The following SCN2A variants were observed in gnomAD, a reference collection of about 807,000 sequenced individuals.
The protein encoded by SCN2A is sodium voltage-gated channel alpha subunit 2.
In SCN2A, 20 loss-of-function variants were observed where a neutral mutation model predicts 188.7. The ratio of observed to expected loss-of-function variants is 0.11; its 90% CI spans 0.07 to 0.15. The LOEUF (loss-of-function observed/expected upper bound fraction) is 0.15. SCN2A is among the 10% of genes least tolerant of loss of function. The probability of loss-of-function intolerance (pLI) is 1.00; values close to 1 mark genes in which losing one functional copy is unlikely to be tolerated. For synonymous variants in SCN2A, 804 were observed against 833.1 expected (o/e 0.97, Z 0.60); for missense variants, 1,278 against 2,445.0 (o/e 0.52, Z 10.07).
chr2:165,352,546 A>C (rs1460456502), intron 16 of SCN2A, among the ~76,000 whole-genome samples: 1 of 152,176 alleles, frequency 6.6e-6, no homozygotes, highest in Non-Finnish European at 1.5e-5. Flanking sequence ...CTACAGTTTG[A>C]GCATCCCTAA....
intron 3 of SCN2A, among the ~76,000 whole-genome samples, chr2:165,298,582 C>G (rs1696629305): frequency 6.6e-6 from 1 of 152,140 alleles, no homozygotes; most frequent in African/African-American, 2.4e-5. Flanking sequence ...TCTTACCTCT[C>G]TCTGTTTTCC....
intron 10 of SCN2A, among the ~76,000 whole-genome samples, chr2:165,314,877 T>C (rs1399435848): frequency 6.6e-6 from 1 of 152,196 alleles, no homozygotes; most frequent in Admixed American, 6.5e-5. Flanking sequence ...ATTGCTGTAA[T>C]AGCAACAAAA....
chr2:165,240,581 A>T (rs991460822), intron 1 of SCN2A, among the ~76,000 whole-genome samples: 6 of 152,058 alleles, frequency 3.9e-5, no homozygotes, highest in Non-Finnish European at 7.3e-5. Context: ...AGAAATTTAA[A>T]GAGATTTTAC....
intron 1 of SCN2A, among the ~76,000 whole-genome samples, chr2:165,241,369 G>A (rs190855966): frequency 7.4e-4 from 113 of 152,292 alleles, no homozygotes; most frequent in African/African-American, 2.6e-3. Context: ...GCTCATGAAT[G>A]ATGTGGATGG....
At chr2:165,368,088 G>A (rs1190058123) in intron 19 of SCN2A, among the ~76,000 whole-genome samples, 1 of 152,102 alleles carries the variant, frequency 6.6e-6, no homozygotes, top group Non-Finnish European at 1.5e-5. Flanking sequence ...ACTTGAAGAT[G>A]GTAAATACAG....
At chr2:165,279,779 G>C (rs1349221257) in intron 1 of SCN2A, among the ~76,000 whole-genome samples, 3 of 152,162 alleles carry the variant, frequency 2.0e-5, no homozygotes, top group African/African-American at 7.2e-5. Context: ...TTAATTCTGT[G>C]ATATGGTTTG....
intron 1 of SCN2A, chr2:165,270,664 G>C (rs2119068): frequency 0.46 from 70,409 of 151,640 alleles, 16,842 homozygotes; most frequent in Admixed American, 0.58. Flanking sequence ...ACCTGCTTTG[G>C]TTTCTCCTAT....
At chr2:165,375,755 G>A (rs1701277072) in intron 22 of SCN2A, among the ~76,000 whole-genome samples, 1 of 151,766 alleles carries the variant, frequency 6.6e-6, no homozygotes, top group Non-Finnish European at 1.5e-5. Flanking sequence ...AAGCCCTCGT[G>A]ATTGATGATT....
chr2:165,342,585 A>G, intron 15 of SCN2A, 116 bp downstream of exon 15: 1 of 1,138,586 alleles, frequency 8.8e-7, no homozygotes, highest in South Asian at 1.3e-5. Context: ...TACACTTCTA[A>G]AACAAATTGG....
chr2:165,366,392 A>C (rs557967273), intron 18 of SCN2A, among the ~76,000 whole-genome samples: 1 of 152,178 alleles, frequency 6.6e-6, no homozygotes, highest in Non-Finnish European at 1.5e-5. Flanking sequence ...TGTTTATTGG[A>C]TTGTTATTGA....
rs535992199 is a variant in SCN2A at position 165,390,434 on chromosome 2, A to C, written c.*610A>C. 1 of 152,698 alleles carries C rather than the reference A, an allele frequency of 6.5e-6. No homozygotes were observed. Among genetic ancestry groups the C allele is most frequent in the East Asian group, 1.9e-4 (1 of 5,196 alleles). 9.5% of individuals were successfully genotyped at this position (152,698 alleles called of 1,614,324 possible). ...AAAAAATCACATCACAAAAGGGAAGAGTTTACTTCTTGTTTCAGGATGTTT... is the reference window on the plus strand; with the variant it reads ...AAAAAATCACATCACAAAAGGGAAGCGTTTACTTCTTGTTTCAGGATGTTT... On this transcript the variant is annotated 3_prime_UTR_variant, in exon 27 of 27. Coordinates refer to ENST00000375437, the MANE Select transcript of SCN2A (RefSeq NM_001040142.2).
At chr2:165,296,977 A>T (rs371039311) in intron 2 of SCN2A, 40 bp from the exon 3 acceptor site, 1 of 1,025,104 alleles carries the variant, frequency 9.8e-7, no homozygotes, top group African/African-American at 1.6e-5. Flanking sequence ...CTTAATATAT[A>T]TTCTAAGTTT....
At chr2:165,351,228 G>T (rs1370304755) in intron 16 of SCN2A, among the ~76,000 whole-genome samples, 26 of 152,148 alleles carry the variant, frequency 1.7e-4, no homozygotes, top group Admixed American at 1.7e-3. Flanking sequence ...ATGAAAGTTA[G>T]TGTCTAGTGG....
At chr2:165,292,356 T>A (rs1335094914) in intron 1 of SCN2A, among the ~76,000 whole-genome samples, 1 of 152,186 alleles carries the variant, frequency 6.6e-6, no homozygotes, top group Non-Finnish European at 1.5e-5. Flanking sequence ...ATTCAGTGGG[T>A]ACCTGTGCAG....
At chr2:165,267,395 A>G (rs1694915602) in intron 1 of SCN2A, 1 of 152,046 alleles carries the variant, frequency 6.6e-6, no homozygotes, top group Non-Finnish European at 1.5e-5. Context: ...AAAATGGGAA[A>G]CGAACAGTCT....
intron 14 of SCN2A, among the ~76,000 whole-genome samples, chr2:165,338,290 C>T (rs1042494280): frequency 7.4e-6 from 1 of 135,244 alleles, no homozygotes; most frequent in African/African-American, 2.8e-5. Context: ...GACGGAGTCT[C>T]GCTCTCTCGC....
At chr2:165,317,374 G>GGAGA (rs142234775) in intron 11 of SCN2A, among the ~76,000 whole-genome samples, 1 of 150,320 alleles carries the variant, frequency 6.7e-6, no homozygotes, top group Admixed American at 6.6e-5. Context: ...GAGGGAGGGG[G>GGAGA]GAGAGAGAGA....
intron 25 of SCN2A, among the ~76,000 whole-genome samples, chr2:165,382,527 G>A (rs1193676625): frequency 6.6e-6 from 1 of 152,086 alleles, no homozygotes; most frequent in Non-Finnish European, 1.5e-5. Context: ...CACAGGAAAA[G>A]AGGGAGGATG....
intron 26 of SCN2A, among the ~76,000 whole-genome samples, chr2:165,387,677 A>T (rs1196830253): frequency 6.6e-6 from 1 of 152,182 alleles, no homozygotes; most frequent in Admixed American, 6.6e-5. Context: ...TTTATGTATA[A>T]GATATTAAAT....
Sources: gnomAD v4.1 joint callset for allele counts (sites outside exome capture counted in the v4.1 genomes callset) on GRCh38, gnomAD v4.1.1 for gene constraint, MANE v1.5 for transcripts, NCBI Gene and HGNC (gene_info 2026-07-23, HGNC 2026-07-21) for gene names.